The following RTN1 variants were observed in gnomAD, a reference collection of about 807,000 sequenced individuals.
RTN1 encodes reticulon 1.
In RTN1, 25 loss-of-function variants were observed where a neutral mutation model predicts 65.5. The observed-to-expected ratio is 0.38, with a 90% CI of 0.28 to 0.53. The LOEUF is 0.53. Among genes scored for constraint, RTN1 ranks in the 20% least tolerant of loss-of-function variants. The probability of loss-of-function intolerance (pLI) is 0.79; values close to 1 mark genes in which losing one functional copy is unlikely to be tolerated. For synonymous variants in RTN1, 471 were observed against 447.6 expected, an observed-to-expected ratio of 1.05 and a Z score of -0.66; for missense variants, 983 against 1,025.4, an observed-to-expected ratio of 0.96 and a Z score of 0.57.
chr14:59,606,875 C>A (rs934227212), intron 4 of RTN1, among the ~76,000 whole-genome samples: 2 of 139,290 alleles, frequency 1.4e-5, no homozygotes, highest in Non-Finnish European at 1.7e-5. Context: ...GAAATAAAGA[C>A]CCAAATACCC....
chr14:59,650,746 G>T (rs1432736248), intron 3 of RTN1, among the ~76,000 whole-genome samples: 1 of 152,192 alleles, frequency 6.6e-6, no homozygotes, highest in African/African-American at 2.4e-5. Context: ...ACTGCTCAAA[G>T]AAGTCAGAGA....
intron 8 of RTN1, among the ~76,000 whole-genome samples, chr14:59,600,341 C>A (rs554462111): frequency 1.1e-3 from 175 of 152,234 alleles, no homozygotes; most frequent in Middle Eastern, 3.4e-3. Flanking sequence ...ACAGACATTA[C>A]CTCATTTAAT....
chr14:59,704,902 A>C (rs1282676475), intron 3 of RTN1, among the ~76,000 whole-genome samples: 1 of 152,190 alleles, frequency 6.6e-6, no homozygotes, highest in Non-Finnish European at 1.5e-5. Flanking sequence ...GAAATGGGTA[A>C]TCAGAGAGCT....
chr14:59,840,045 C>T (rs764768475), intron 1 of RTN1, among the ~76,000 whole-genome samples: 1 of 152,068 alleles, frequency 6.6e-6, no homozygotes, highest in Non-Finnish European at 1.5e-5. Flanking sequence ...CTTTCTTACT[C>T]TTCCACTTCT....
In RTN1 at chr14:59,645,238, C is replaced by T. The variant is rs1281517940; in HGVS notation, c.1766-37746G>A. On this transcript the variant is annotated intron_variant, in intron 3 of 8. Transcript: ENST00000267484. ...GATGGAGCTCCCAGAGGGAGTGACACACTGCCATCTTTGCTGTTTTGCAGC... is the reference window on the plus strand; with the variant it reads ...GATGGAGCTCCCAGAGGGAGTGACATACTGCCATCTTTGCTGTTTTGCAGC... Among the ~76,000 whole-genome samples, 6 of 152,176 alleles carry T rather than the reference C, an allele frequency of 3.9e-5. No individual in the cohort carries two copies. The East Asian group carries it at 1.2e-3, about 29-fold the overall frequency.
intron 3 of RTN1, among the ~76,000 whole-genome samples, chr14:59,631,162 C>T (rs969013317): frequency 1.3e-5 from 2 of 152,178 alleles, no homozygotes; most frequent in Non-Finnish European, 2.9e-5. Flanking sequence ...TGGAATATTC[C>T]ACAGATATCC....
chr14:59,608,393 T>C (rs556452324), intron 3 of RTN1, among the ~76,000 whole-genome samples: 3 of 152,328 alleles, frequency 2.0e-5, no homozygotes, highest in Non-Finnish European at 2.9e-5. Flanking sequence ...CATTTGCTCA[T>C]AGGAAGACAG....
intron 1 of RTN1, among the ~76,000 whole-genome samples, chr14:59,750,107 ATTATATATAATATATATT>A: frequency 1.7e-5 from 1 of 57,606 alleles, no homozygotes; most frequent in East Asian, 4.4e-4. Context: ...TATATTATAT[ATTATATATAATATATATT>A]ATCTATAATA....
chr14:59,750,169 ATC>A (rs1417621877), intron 1 of RTN1, among the ~76,000 whole-genome samples: 8 of 65,426 alleles, frequency 1.2e-4, no homozygotes, highest in Middle Eastern at 0.015. Context: ...TATATATTAT[ATC>A]TATAATATAT....
At chr14:59,751,816 G>T (rs565470122) in intron 1 of RTN1, among the ~76,000 whole-genome samples, 7 of 152,178 alleles carry the variant, frequency 4.6e-5, no homozygotes, top group Non-Finnish European at 7.3e-5. Flanking sequence ...CACTTGCTCA[G>T]TGCCCAGCCC....
intron 3 of RTN1, among the ~76,000 whole-genome samples, chr14:59,684,819 T>C (rs1183060796): frequency 6.6e-6 from 1 of 152,156 alleles, no homozygotes; most frequent in Non-Finnish European, 1.5e-5. Flanking sequence ...AAGTTCAAAA[T>C]AGTTTTCTCC....
rs1881407235 is a variant in RTN1 at position 59,596,634 on chromosome 14, T to C, written c.*111A>G. ...GTTTTAAGGTTTGTCTCTAAGATTA[T>C]GGTACTGGAGGGAGGGGGGAAAGAC... On this transcript the variant is annotated 3_prime_UTR_variant, in exon 9 of 9. Transcript: ENST00000267484. The C allele has an allele frequency of 7.2e-6, 6 of 838,856 alleles. No homozygotes were observed. Among genetic ancestry groups the C allele is most frequent in the Non-Finnish European group, 1.2e-5 (6 of 484,094 alleles). The allele number at this position is 838,856 out of a possible 1,614,324, so 52.0% of individuals were successfully genotyped here.
chr14:59,852,699 A>G (rs1484189504), intron 1 of RTN1, among the ~76,000 whole-genome samples: 1 of 152,156 alleles, frequency 6.6e-6, no homozygotes, highest in Non-Finnish European at 1.5e-5. Flanking sequence ...GGAATCTCCA[A>G]ATCCTCTCTC....
intron 1 of RTN1, among the ~76,000 whole-genome samples, chr14:59,757,007 A>T (rs1885653771): frequency 6.6e-6 from 1 of 152,058 alleles, no homozygotes; most frequent in African/African-American, 2.4e-5. Context: ...ACAAAAAAAT[A>T]CTTTATTCTT....
At chr14:59,775,334 G>C (rs1009700594) in intron 1 of RTN1, among the ~76,000 whole-genome samples, 2 of 152,196 alleles carry the variant, frequency 1.3e-5, no homozygotes, top group Non-Finnish European at 2.9e-5. Flanking sequence ...CTTTATGTGA[G>C]AGTAAGAAAT....
intron 3 of RTN1, chr14:59,630,476 C>A: frequency 6.2e-7 from 1 of 1,613,900 alleles, no homozygotes; most frequent in Non-Finnish European, 8.5e-7. Context: ...CACACACAGT[C>A]CATCTTGGTG....
intron 3 of RTN1, among the ~76,000 whole-genome samples, chr14:59,609,114 GTC>G (rs1452753544): frequency 6.6e-6 from 1 of 151,670 alleles, no homozygotes; most frequent in African/African-American, 2.4e-5. Context: ...GTGAAACCCC[GTC>G]TCTACTAAAA....
chr14:59,753,233 A>C (rs1885568231), intron 1 of RTN1, among the ~76,000 whole-genome samples: 1 of 152,204 alleles, frequency 6.6e-6, no homozygotes, highest in African/African-American at 2.4e-5. Flanking sequence ...TAGAGAGGCT[A>C]TAAATAGAAT....
chr14:59,689,456 C>A (rs1051570376), intron 3 of RTN1, among the ~76,000 whole-genome samples: 8 of 152,150 alleles, frequency 5.3e-5, no homozygotes, highest in African/African-American at 1.9e-4. Context: ...GAAATCCAGA[C>A]AACACCTGTG....
Sources: gnomAD v4.1 joint callset for allele counts (sites outside exome capture counted in the v4.1 genomes callset) on GRCh38, gnomAD v4.1.1 for gene constraint, MANE v1.5 for transcripts, NCBI Gene and HGNC (gene_info 2026-07-23, HGNC 2026-07-21) for gene names.